Variants in HIVEP2 observed in about 807,000 individuals in gnomAD.
HIVEP2 encodes HIVEP zinc finger 2.
HIVEP2 carries 14 observed loss-of-function variants against 180.7 expected under a neutral mutation model. That is an observed-to-expected ratio of 0.08 (90% CI 0.05 to 0.12). The LOEUF (loss-of-function observed/expected upper bound fraction) is 0.12. HIVEP2 is among the 10% of genes least tolerant of loss of function. The pLI is 1.00. For missense variants in HIVEP2, 2,579 were observed against 3,008.5 expected, an observed-to-expected ratio of 0.86 and a Z score of 3.34; for synonymous variants, 1,184 against 1,136.4, an observed-to-expected ratio of 1.04 and a Z score of -0.84.
chr6:142,803,566 T>C (rs199844519), intron 2 of HIVEP2, among the ~76,000 whole-genome samples: 26 of 141,726 alleles, frequency 1.8e-4, no homozygotes, highest in East Asian at 1.0e-3. Flanking sequence ...ATATATAGCA[T>C]ACACACACAC....
chr6:142,891,091 G>C (rs761458617), intron 1 of HIVEP2, among the ~76,000 whole-genome samples: 9 of 152,128 alleles, frequency 5.9e-5, no homozygotes, highest in African/African-American at 9.7e-5. Context: ...CACTTTTGTT[G>C]TTTGCTTTTC....
intron 1 of HIVEP2, among the ~76,000 whole-genome samples, chr6:142,905,099 C>T (rs369062992): frequency 6.6e-6 from 1 of 152,122 alleles, no homozygotes; most frequent in Non-Finnish European, 1.5e-5. Context: ...TAAGGGAAAA[C>T]AACCTTTCAT....
intron 1 of HIVEP2, among the ~76,000 whole-genome samples, chr6:142,937,352 T>C (rs1332820448): frequency 6.6e-6 from 1 of 152,228 alleles, no homozygotes; most frequent in Non-Finnish European, 1.5e-5. Flanking sequence ...TAATACCTTG[T>C]TAATAATAAC....
intron 1 of HIVEP2, among the ~76,000 whole-genome samples, chr6:142,905,854 G>A (rs530580899): frequency 6.1e-4 from 93 of 152,292 alleles, no homozygotes; most frequent in African/African-American, 1.9e-3. Flanking sequence ...TAATCAGTCC[G>A]GGCGTGGTGG....
intron 1 of HIVEP2, among the ~76,000 whole-genome samples, chr6:142,878,808 G>A (rs943646744): frequency 1.8e-4 from 27 of 152,130 alleles, no homozygotes; most frequent in Non-Finnish European, 3.5e-4. Context: ...TGGGACTGAA[G>A]GCACCTCGCC....
chr6:142,790,565 T>C (rs376159671), intron 2 of HIVEP2, among the ~76,000 whole-genome samples: 3 of 152,226 alleles, frequency 2.0e-5, no homozygotes, highest in African/African-American at 7.2e-5. Context: ...TTCTCAAGTT[T>C]TATCTTTTAC....
At chr6:142,822,236 C>T (rs932771522) in intron 2 of HIVEP2, among the ~76,000 whole-genome samples, 2 of 152,134 alleles carry the variant, frequency 1.3e-5, no homozygotes, top group Admixed American at 1.3e-4. Flanking sequence ...TCTGATGAAG[C>T]CTGTGGGCTC....
intron 1 of HIVEP2, among the ~76,000 whole-genome samples, chr6:142,862,379 G>A (rs4349826): frequency 6.8e-6 from 1 of 146,156 alleles, no homozygotes; most frequent in South Asian, 2.1e-4. Context: ...ACATATAATC[G>A]ATTACATGTA....
At chr6:142,833,339 C>T (rs1775143414) in intron 2 of HIVEP2, among the ~76,000 whole-genome samples, 1 of 152,136 alleles carries the variant, frequency 6.6e-6, no homozygotes. Context: ...ATCATAGAAA[C>T]AAGGCATATG....
intron 2 of HIVEP2, among the ~76,000 whole-genome samples, chr6:142,799,618 G>A (rs1394416652): frequency 6.6e-6 from 1 of 152,110 alleles, no homozygotes; most frequent in African/African-American, 2.4e-5. Context: ...CAAATTATTT[G>A]AAAAATCAAC....
chr6:142,774,785 G>A lies in HIVEP2; in HGVS notation c.-47C>T, dbSNP rs886891985. On this transcript the variant is annotated 5_prime_UTR_variant, in exon 5 of 10. Coordinates refer to ENST00000367603, the MANE Select transcript of HIVEP2 (RefSeq NM_006734.4). The surrounding 1 kb of genome is among the most constrained non-coding windows in gnomAD (Gnocchi z 5.1). ...TGCTAGTTCCCCTGAAAGCAGTGCA[G>A]ACTCATGGAGTGTCTCCAAAGCTGT... is the stretch of plus-strand genomic sequence containing the variant. 2 of 1,578,334 alleles carry A rather than the reference G, an allele frequency of 1.3e-6. No homozygotes were observed. The highest frequency in any genetic ancestry group is 1.7e-6 in the Non-Finnish European group (2 of 1,162,604).
chr6:142,916,325 T>G (rs1445435389), intron 1 of HIVEP2, among the ~76,000 whole-genome samples: 2 of 152,230 alleles, frequency 1.3e-5, no homozygotes, highest in Admixed American at 6.5e-5. Flanking sequence ...GAACAACTTC[T>G]ATGGGTTTCC....
intron 1 of HIVEP2, among the ~76,000 whole-genome samples, chr6:142,910,512 G>A (rs1777374230): frequency 6.6e-6 from 1 of 152,238 alleles, no homozygotes; most frequent in South Asian, 2.1e-4. Context: ...TGAGGCAGGA[G>A]AATTGTTTGA....
chr6:142,790,201 G>T (rs1453297972), intron 2 of HIVEP2, among the ~76,000 whole-genome samples: 2 of 152,088 alleles, frequency 1.3e-5, no homozygotes, highest in Non-Finnish European at 2.9e-5. Context: ...ATTTCACCTA[G>T]GAGACCTGTG....
At chr6:142,940,057 T>A (rs1214905134) in intron 1 of HIVEP2, among the ~76,000 whole-genome samples, 1 of 152,224 alleles carries the variant, frequency 6.6e-6, no homozygotes, top group Admixed American at 6.5e-5. Context: ...CTTGCAATCA[T>A]GAGGAGAAAT....
chr6:142,810,772 A>C (rs948327154), intron 2 of HIVEP2, among the ~76,000 whole-genome samples: 3 of 151,716 alleles, frequency 2.0e-5, no homozygotes, highest in East Asian at 1.9e-4. Flanking sequence ...AAAAAAAAAA[A>C]AAAAAAACAA....
intron 2 of HIVEP2, among the ~76,000 whole-genome samples, chr6:142,833,806 G>A (rs198666): frequency 0.045 from 6,917 of 152,214 alleles, 219 homozygotes; most frequent in Non-Finnish European, 0.069. Flanking sequence ...TTGTAAGGAG[G>A]CCAGAAGAAA....
intron 1 of HIVEP2, among the ~76,000 whole-genome samples, chr6:142,880,502 C>G (rs1486175821): frequency 6.6e-6 from 1 of 152,180 alleles, no homozygotes; most frequent in Admixed American, 6.5e-5. Context: ...CCTCTCTTCT[C>G]AGGGATCATT....
At chr6:142,825,040 C>G (rs1458526140) in intron 2 of HIVEP2, among the ~76,000 whole-genome samples, 6 of 152,120 alleles carry the variant, frequency 3.9e-5, no homozygotes, top group African/African-American at 1.2e-4. Context: ...ACTTATTGGA[C>G]AAATCTTGTA....
Sources: allele counts gnomAD v4.1 joint callset (sites outside exome capture counted in the v4.1 genomes callset), GRCh38; gene constraint gnomAD v4.1.1; non-coding constraint Gnocchi (gnomAD v3.1); transcripts MANE v1.5; gene names NCBI Gene and HGNC (gene_info 2026-07-23, HGNC 2026-07-21).